Variants in CSF2RA observed in about 807,000 individuals in gnomAD.
The protein encoded by CSF2RA is colony stimulating factor 2 receptor subunit alpha.
Under a neutral mutation model 51.6 loss-of-function variants are expected in CSF2RA, and 42 were observed. That is an observed-to-expected ratio of 0.81 (90% confidence interval 0.64 to 1.05). The LOEUF is 1.05. Ranked by LOEUF, CSF2RA falls within the 50% of genes least tolerant of loss-of-function variation. CSF2RA has a pLI of 0.00. For missense variants in CSF2RA, 530 were observed against 501.1 expected (o/e 1.06, Z -0.55); for synonymous variants, 222 against 193.0 (o/e 1.15, Z -1.24).
chrX:1,323,178 A>T, the CSF2RA span, among the ~76,000 whole-genome samples: 2 of 151,634 alleles, frequency 1.3e-5, no homozygotes, highest in Non-Finnish European at 2.9e-5. Flanking sequence ...AATAAAATAA[A>T]ATAAAATATA....
intron 9 of CSF2RA, among the ~76,000 whole-genome samples, chrX:1,300,061 C>A (rs1437354966): frequency 4.0e-5 from 6 of 149,732 alleles, no homozygotes; most frequent in Non-Finnish European, 5.9e-5. Flanking sequence ...ACTAAAAATA[C>A]AACAAAAATT....
Position 1,288,347 on chromosome X carries a change from T to G in CSF2RA, c.220-172T>G, listed in dbSNP as rs1478941790. 9.8e-5 allele frequency among the ~76,000 whole-genome samples: 12 copies of G among 122,324 alleles called. 1 individual carries two copies. The highest frequency in any genetic ancestry group is 2.8e-4 in the African/African-American group (11 of 38,658). 80.2% of individuals were successfully genotyped at this position (122,324 alleles called of 152,430 possible). On this transcript the variant is annotated intron_variant, in intron 4 of 12. Transcript: ENST00000381529. ...AAATACACAAATTAGCAGGGTGTGGTGGCGGGTGTCTGTAATCCGAGCTAC... is the reference window on the plus strand; with the variant it reads ...AAATACACAAATTAGCAGGGTGTGGGGGCGGGTGTCTGTAATCCGAGCTAC...
the CSF2RA span, among the ~76,000 whole-genome samples, chrX:1,318,368 G>A: frequency 6.6e-6 from 1 of 151,530 alleles, no homozygotes; most frequent in African/African-American, 2.4e-5. Context: ...TCACCATGTT[G>A]GCCAGGCTGG....
chrX:1,288,678 T>C lies in CSF2RA; in HGVS notation c.343+36T>C, dbSNP rs745979940. The C allele has an allele frequency of 8.1e-6, 13 of 1,613,830 alleles. No individual in the cohort carries two copies. The South Asian group carries it at 1.4e-4, about 18-fold the overall frequency. On this transcript the variant is annotated intron_variant, in intron 5 of 12. Transcript: ENST00000381529. ...CAGCTCAGGGATCCGTTTACAGCAC[T>C]GGCCCCACCACCCCGCCAGCATCAA...
At chrX:1,275,650 C>G (rs2089084534) in intron 2 of CSF2RA, among the ~76,000 whole-genome samples, 1 of 151,656 alleles carries the variant, frequency 6.6e-6, no homozygotes, top group Non-Finnish European at 1.5e-5. Flanking sequence ...CCTCCGCCTC[C>G]CGGGTTCACG....
At chrX:1,307,441 T>A (rs1473339032) in intron 12 of CSF2RA, among the ~76,000 whole-genome samples, 1 of 149,284 alleles carries the variant, frequency 6.7e-6, no homozygotes, top group Admixed American at 6.7e-5. Flanking sequence ...CCTTTAGACC[T>A]TCAGCTTATT....
chrX:1,281,218 TACTCC>T (rs2090007048), intron 2 of CSF2RA, among the ~76,000 whole-genome samples: 1 of 124,350 alleles, frequency 8.0e-6, no homozygotes, highest in South Asian at 3.1e-4. Context: ...CTCCTTCTCC[TACTCC>T]TCCTTCTCCT....
intron 3 of CSF2RA, among the ~76,000 whole-genome samples, chrX:1,285,163 G>A (rs1221415912): frequency 6.6e-6 from 1 of 151,968 alleles, no homozygotes; most frequent in Non-Finnish European, 1.5e-5. Flanking sequence ...AGCCTCCCAA[G>A]GTGCTGGGAT....
the CSF2RA span, among the ~76,000 whole-genome samples, chrX:1,315,807 ATAG>A: frequency 1.2e-5 from 1 of 80,698 alleles, no homozygotes; most frequent in East Asian, 2.0e-4. Context: ...AGATAGATAG[ATAG>A]ATAGATAGAT....
intron 3 of CSF2RA, among the ~76,000 whole-genome samples, 198 bp downstream of exon 3, chrX:1,282,977 A>G (rs1353771024): frequency 2.0e-5 from 3 of 151,750 alleles, no homozygotes; most frequent in African/African-American, 7.3e-5. Context: ...ATTCCCATCC[A>G]CCCATTCTAC....
the CSF2RA span, among the ~76,000 whole-genome samples, chrX:1,322,099 A>ATTTATTTAT: frequency 6.8e-6 from 1 of 146,638 alleles, no homozygotes; most frequent in Non-Finnish European, 1.5e-5. Context: ...ATAACATCCT[A>ATTTATTTAT]TTATTTATTT....
In CSF2RA at chrX:1,304,067, G is replaced by A. The variant is rs373348926; in HGVS notation, c.1043+48G>A. 1.8e-4 allele frequency: 263 copies of A among 1,461,862 alleles called. 2 individuals are homozygous for A. Among genetic ancestry groups the A allele is most frequent in the South Asian group, 8.5e-4 (75 of 88,106 alleles). 90.6% of individuals were successfully genotyped at this position (1,461,862 alleles called of 1,614,324 possible). A position where few individuals can be genotyped will look rare whatever the true frequency, so the allele number is the denominator to read the frequency against. On this transcript the variant is annotated intron_variant, in intron 11 of 12. Transcript: ENST00000381529. ...CTCCCCAATGAAAACAGGCCAGGCC[G>A]GGAGGAAAGCGCTTTGTCCAGTCTC...
chrX:1,314,352 C>G (rs758886460), downstream of CSF2RA, among the ~76,000 whole-genome samples: 231 of 142,402 alleles, frequency 1.6e-3, 6 homozygotes, highest in African/African-American at 5.7e-3. Flanking sequence ...TGCGCCTGCC[C>G]AACCCCACTG....
chrX:1,303,372 A>T, intron 10 of CSF2RA: 3 of 434,430 alleles, frequency 6.9e-6, no homozygotes, highest in Non-Finnish European at 1.2e-5. Context: ...GGTAGATAGG[A>T]TTACAGGCAC....
intron 1 of CSF2RA, among the ~76,000 whole-genome samples, chrX:1,273,764 T>A (rs1277621228): frequency 3.7e-5 from 2 of 53,870 alleles, no homozygotes; most frequent in Non-Finnish European, 7.3e-5. Context: ...TTTTTTTTTT[T>A]GTATTTTTTT....
chrX:1,303,900 C>T (rs757260264), intron 10 of CSF2RA, 23 bp from the exon 11 acceptor site: 44 of 1,587,184 alleles, frequency 2.8e-5, no homozygotes, highest in South Asian at 1.8e-4. Context: ...TCACCGCAGA[C>T]GCAAACCTGT....
chrX:1,309,285 A>G (rs1330658009), intron 12 of CSF2RA, 117 bp from the exon 13 acceptor site: 7 of 1,100,362 alleles, frequency 6.4e-6, no homozygotes, highest in Middle Eastern at 2.6e-4. Context: ...ACTGCACTCC[A>G]GCCTGGGCAA....
rs1427475376 is a variant in CSF2RA, at chrX:1,288,598, C to G, written c.299C>G (p.Thr100Ser). The G allele has an allele frequency of 1.1e-5, 17 of 1,613,834 alleles. No individual in the cohort carries two copies. The highest frequency in any genetic ancestry group is 1.3e-5 in the African/African-American group (1 of 74,920). Residue 100 changes from threonine (T) to serine (S), a missense_variant, in exon 5 of 13, where the codon ACT becomes AGT. Transcript: ENST00000381529. Reference sequence around the variant, plus strand: ...GTCACATTTGAGGTTCACGTGAATACTAGTCAAAGAGGATTTCAACAGAAA... The same window carrying G: ...GTCACATTTGAGGTTCACGTGAATAGTAGTCAAAGAGGATTTCAACAGAAA... The part of the protein sequence containing the change: ...EGVTFEVHVN[T>S]SQRGFQQKLL...
the CSF2RA span, among the ~76,000 whole-genome samples, chrX:1,323,128 CA>C: frequency 2.4e-5 from 2 of 83,568 alleles, no homozygotes; most frequent in African/African-American, 4.0e-5. Context: ...GATTCCGTCT[CA>C]AAAAAAATAC....
Sources: allele counts gnomAD v4.1 joint callset (sites outside exome capture counted in the v4.1 genomes callset), GRCh38; gene constraint gnomAD v4.1.1; transcripts MANE v1.5; gene names NCBI Gene and HGNC (gene_info 2026-07-23, HGNC 2026-07-21).